CCDC57: variants seen among roughly 807,000 people sequenced by gnomAD.
The protein encoded by CCDC57 is coiled-coil domain containing 57, also known as coiled-coil domain-containing protein 57.
Under a neutral mutation model 118.9 loss-of-function variants are expected in CCDC57, and 118 were observed. The ratio of observed to expected loss-of-function variants is 0.99; its 90% confidence interval spans 0.86 to 1.16. CCDC57 has a LOEUF of 1.16. Among genes scored for constraint, CCDC57 ranks in the 50% most tolerant of loss-of-function variants. The pLI, the probability that CCDC57 is intolerant of heterozygous loss-of-function variation, is 0.00. For missense variants in CCDC57, 1,300 were observed against 1,320.7 expected (o/e 0.98, Z 0.24); for synonymous variants, 527 against 532.9 (o/e 0.99, Z 0.15).
chr17:82,121,870 C>T (rs897143669), intron 19 of CCDC57, among the ~76,000 whole-genome samples: 9 of 152,212 alleles, frequency 5.9e-5, no homozygotes, highest in Admixed American at 1.3e-4. Flanking sequence ...CTCTGGTTCA[C>T]GTCACTTTCA....
chr17:82,103,607 G>A (rs982117248), intron 19 of CCDC57, among the ~76,000 whole-genome samples: 1 of 152,248 alleles, frequency 6.6e-6, no homozygotes, highest in African/African-American at 2.4e-5. Flanking sequence ...AAACCCAGAG[G>A]CCTTGGTTGT....
chr17:82,130,700 A>G (rs11868246), intron 17 of CCDC57, among the ~76,000 whole-genome samples: 69,633 of 145,522 alleles, frequency 0.48, 16,937 homozygotes, highest in East Asian at 0.88. Flanking sequence ...ATGGGGTTTC[A>G]TCATGTTGGC....
At chr17:82,178,869 G>C (rs1370765155) in intron 10 of CCDC57, among the ~76,000 whole-genome samples, 158 bp downstream of exon 9, 9 of 152,136 alleles carry the variant, frequency 5.9e-5, no homozygotes. Flanking sequence ...GGACAGGCGG[G>C]GTGCATTTTT....
intron 14 of CCDC57, 111 bp from the exon 14 acceptor site, chr17:82,158,059 G>A (rs1599011390): frequency 1.4e-5 from 20 of 1,454,870 alleles, no homozygotes; most frequent in South Asian, 1.1e-4. Flanking sequence ...CGGGGAGCCC[G>A]GGGTCAGGGC....
chr17:82,163,095 G>A, intron 14 of CCDC57, 105 bp downstream of exon 13: 2 of 1,394,356 alleles, frequency 1.4e-6, no homozygotes, highest in Non-Finnish European at 2.0e-6. Context: ...GTCAGTGGAT[G>A]CCCGAGGTCA....
chr17:82,184,278 G>A (rs975165533), intron 8 of CCDC57, among the ~76,000 whole-genome samples: 1 of 151,974 alleles, frequency 6.6e-6, no homozygotes, highest in Non-Finnish European at 1.5e-5. Context: ...TGCCTCCCAT[G>A]CCCACAGAGC....
intron 16 of CCDC57, among the ~76,000 whole-genome samples, chr17:82,137,901 T>C (rs2039445808): frequency 6.6e-6 from 1 of 151,678 alleles, no homozygotes; most frequent in African/African-American, 2.4e-5. Context: ...CTTGATCTCT[T>C]GACCTCGTGA....
intron 16 of CCDC57, among the ~76,000 whole-genome samples, chr17:82,138,147 C>CT (rs569568425): frequency 0.012 from 1,435 of 118,278 alleles, 26 homozygotes; most frequent in African/African-American, 0.024. Context: ...AGGAGGATCT[C>CT]TTTTTTTTTT....
At chr17:82,163,311 A>G in exon 14 of CCDC57, 1 of 1,613,620 alleles carries the variant, frequency 6.2e-7, no homozygotes, top group Non-Finnish European at 8.5e-7. Flanking sequence ...CTCCTGCTTG[A>G]CCAGCTTGGA....
intron 16 of CCDC57, among the ~76,000 whole-genome samples, chr17:82,142,729 AAT>A: frequency 6.9e-6 from 1 of 145,554 alleles, no homozygotes; most frequent in Admixed American, 6.9e-5. Flanking sequence ...AGCATAAATA[AAT>A]TTATAAAGAA....
intron 7 of CCDC57, 71 bp downstream of exon 6, chr17:82,193,685 C>A: frequency 2.1e-6 from 3 of 1,401,168 alleles, no homozygotes; most frequent in Non-Finnish European, 3.0e-6. Context: ...GCCATCAGCA[C>A]AATGGTTCCA....
At chr17:82,200,794 C>CA (rs936170935) in intron 3 of CCDC57, among the ~76,000 whole-genome samples, 36 of 148,124 alleles carry the variant, frequency 2.4e-4, no homozygotes, top group African/African-American at 4.0e-4. Flanking sequence ...AACTCTGTCT[C>CA]AAAAAAAAAG....
intron 19 of CCDC57, among the ~76,000 whole-genome samples, chr17:82,124,223 G>A (rs542321070): frequency 6.6e-6 from 1 of 152,266 alleles, no homozygotes; most frequent in South Asian, 2.1e-4. Context: ...TCAGGAGTAG[G>A]AACATGGGCT....
At chr17:82,144,888 C>T (rs375939370) in intron 16 of CCDC57, among the ~76,000 whole-genome samples, 64 of 152,016 alleles carry the variant, frequency 4.2e-4, no homozygotes, top group Admixed American at 1.6e-3. Flanking sequence ...AATGACATGA[C>T]GATAAAATAC....
intron 16 of CCDC57, among the ~76,000 whole-genome samples, chr17:82,142,319 T>C (rs11868521): frequency 6.6e-6 from 1 of 151,704 alleles, no homozygotes; most frequent in Non-Finnish European, 1.5e-5. Context: ...GTGTTTGTTT[T>C]TTTTTTTTCT....
At chr17:82,142,023 C>A (rs1413064624) in intron 16 of CCDC57, among the ~76,000 whole-genome samples, 1 of 152,168 alleles carries the variant, frequency 6.6e-6, no homozygotes, top group Non-Finnish European at 1.5e-5. Context: ...AAACTCGATT[C>A]TTTTACTCCA....
At chr17:82,184,031 G>GCGCGCGCGCGCACA in intron 8 of CCDC57, 99 bp from the exon 8 acceptor site, 226 of 131,886 alleles carry the variant, frequency 1.7e-3, no homozygotes, top group Non-Finnish European at 2.6e-3. Context: ...GCGCGCGCGC[G>GCGCGCGCGCGCACA]CACACACACA....
chr17:82,145,412 T>C (rs2040588807), intron 16 of CCDC57, among the ~76,000 whole-genome samples: 1 of 151,576 alleles, frequency 6.6e-6, no homozygotes, highest in Admixed American at 6.6e-5. Flanking sequence ...CTGGGCATGG[T>C]GGCGGGCGCC....
intron 19 of CCDC57, chr17:82,126,269 A>G: frequency 1.8e-6 from 1 of 565,354 alleles, no homozygotes; most frequent in East Asian, 1.4e-4. Flanking sequence ...AACAAGAGCA[A>G]AACTCCATCT....
Sources: allele counts gnomAD v4.1 joint callset (sites outside exome capture counted in the v4.1 genomes callset), GRCh38; gene constraint gnomAD v4.1.1; transcripts MANE v1.5; gene names NCBI Gene and HGNC (gene_info 2026-07-23, HGNC 2026-07-21).